Variants in CELF2 observed in about 807,000 individuals in gnomAD.
The protein encoded by CELF2 is CUG triplet repeat RNA-binding protein 2.
CELF2 carries 8 observed loss-of-function variants against 62.6 expected under a neutral mutation model. That is an observed-to-expected ratio of 0.13 (90% CI 0.07 to 0.23). The LOEUF is 0.23. CELF2 is among the 10% of genes least tolerant of loss of function. The pLI is 1.00. For synonymous variants in CELF2, 258 were observed against 250.0 expected, an observed-to-expected ratio of 1.03 and a Z score of -0.30; for missense variants, 333 against 671.0, an observed-to-expected ratio of 0.50 and a Z score of 5.56.
chr10:11,275,208 A>C (rs1450192698), intron 8 of CELF2, 88 bp downstream of exon 8: 2 of 1,263,824 alleles, frequency 1.6e-6, no homozygotes, highest in East Asian at 4.6e-5. Flanking sequence ...AAGCAGGGGA[A>C]GAGAACCAAG....
the CELF2 span, among the ~76,000 whole-genome samples, chr10:10,519,267 G>T: frequency 2.0e-5 from 3 of 152,076 alleles, no homozygotes; most frequent in East Asian, 5.8e-4. Context: ...GGCCAGTCTC[G>T]GGAAGTTCCA....
intron 1 of CELF2, among the ~76,000 whole-genome samples, chr10:11,146,653 G>T (rs2062342045): frequency 1.3e-5 from 2 of 152,170 alleles, no homozygotes; most frequent in Admixed American, 1.3e-4. Context: ...TGCTCTGTCG[G>T]TGATTTGTTA....
At chr10:10,617,977 C>G in the CELF2 span, among the ~76,000 whole-genome samples, 2 of 152,064 alleles carry the variant, frequency 1.3e-5, no homozygotes, top group Non-Finnish European at 2.9e-5. Flanking sequence ...TTCTTCCCTT[C>G]CCTCATTCCT....
chr10:10,487,374 C>A, the CELF2 span, among the ~76,000 whole-genome samples: 1 of 150,462 alleles, frequency 6.6e-6, no homozygotes, highest in African/African-American at 2.5e-5. Flanking sequence ...ACATCTCAGC[C>A]ATTTACAAAG....
Position 11,220,574 on chromosome 10 carries a change from T to G in CELF2, c.354+3067T>G, listed in dbSNP as rs1413816408. On this transcript the variant is annotated intron_variant, in intron 3 of 12. Coordinates refer to ENST00000633077, the MANE Select transcript of CELF2 (RefSeq NM_001326342.2). This position sits in a 1 kb window ranked among gnomAD's most constrained non-coding sequence, Gnocchi z 4.4. ...CTCTTACGGAGCAGTGCAAAATCAT[T>G]GAAGACACGTTTCTCAAACTTGCCT... Among the ~76,000 whole-genome samples, 2 of 152,328 alleles carry G rather than the reference T, an allele frequency of 1.3e-5. No homozygotes were observed. The highest frequency in any genetic ancestry group is 1.9e-4 in the East Asian group (1 of 5,190).
chr10:10,592,934 G>A, the CELF2 span, among the ~76,000 whole-genome samples: 1 of 152,150 alleles, frequency 6.6e-6, no homozygotes, highest in Non-Finnish European at 1.5e-5. Context: ...CCCACGTGAA[G>A]GGCCATAGGG....
chr10:10,706,621 T>TAA, the CELF2 span, among the ~76,000 whole-genome samples: 94 of 152,304 alleles, frequency 6.2e-4, no homozygotes, highest in Non-Finnish European at 1.3e-3. Flanking sequence ...TTTCACCCTG[T>TAA]AAAACGGACA....
At chr10:10,838,205 T>A (rs2058437533) in intron 1 of CELF2, among the ~76,000 whole-genome samples, 1 of 152,172 alleles carries the variant, frequency 6.6e-6, no homozygotes, top group South Asian at 2.1e-4. Flanking sequence ...TTGGCTGATG[T>A]TTTTCTCATG....
At chr10:10,937,246 C>T (rs1231354518) in intron 2 of CELF2, among the ~76,000 whole-genome samples, 4 of 151,112 alleles carry the variant, frequency 2.6e-5, no homozygotes, top group Non-Finnish European at 4.4e-5. Context: ...ATTCTTCTGC[C>T]GCAGCCTCCC....
At chr10:10,558,709 C>T in the CELF2 span, among the ~76,000 whole-genome samples, 1 of 152,154 alleles carries the variant, frequency 6.6e-6, no homozygotes, top group East Asian at 1.9e-4. Context: ...GCCACAATTT[C>T]AGCTCCTGTT....
chr10:10,815,512 T>C lies in CELF2; in HGVS notation c.53+16695T>C, dbSNP rs555721057. On this transcript the variant is annotated intron_variant, in intron 1 of 13. Coordinates refer to the CELF2 transcript ENST00000636488. Reference sequence around the variant, plus strand: ...CCAGACTAGCCCTGTTCTGCTGTCTTCCCTCATTACAGAAGACAGGCAGCA... The same window carrying C: ...CCAGACTAGCCCTGTTCTGCTGTCTCCCCTCATTACAGAAGACAGGCAGCA... Among the ~76,000 whole-genome samples, 5 of 152,264 alleles carry C rather than the reference T, an allele frequency of 3.3e-5. No individual in the cohort carries two copies. The South Asian group carries it at 1.0e-3, about 32-fold the overall frequency.
chr10:11,300,892 C>A lies in CELF2; in HGVS notation c.976+12340C>A, dbSNP rs1156866048. Among the ~76,000 whole-genome samples, 3 of 152,190 alleles carry A rather than the reference C, an allele frequency of 2.0e-5. No individual in the cohort carries two copies. Among genetic ancestry groups the A allele is most frequent in the Non-Finnish European group, 4.4e-5 (3 of 68,042 alleles). On this transcript the variant is annotated intron_variant, in intron 9 of 12. Coordinates refer to ENST00000633077, the MANE Select transcript of CELF2 (RefSeq NM_001326342.2). This position sits in a 1 kb window ranked among gnomAD's most constrained non-coding sequence, Gnocchi z 5.5. ...ACTGTGTTTTCACTATCTAATTGTT[C>A]TGTGGAAAGTGTTTAACGAGGGCAC...
the CELF2 span, among the ~76,000 whole-genome samples, chr10:10,545,646 G>A: frequency 3.9e-5 from 6 of 152,044 alleles, no homozygotes; most frequent in Non-Finnish European, 7.4e-5. Flanking sequence ...TTATCCTCAG[G>A]ATGAATATCT....
chr10:11,251,493 G>A (rs981664604), intron 4 of CELF2, among the ~76,000 whole-genome samples: 55 of 152,032 alleles, frequency 3.6e-4, no homozygotes, highest in African/African-American at 1.1e-3. Flanking sequence ...CATGATCACA[G>A]AAGCCAAGGA....
At position 11,010,858 on chromosome 10, in the gene CELF2, T is replaced by C. The variant is rs1367852685; in HGVS notation, c.53+5418T>C. 6.6e-6 allele frequency: 1 copy of C among 152,284 alleles called. No individual in the cohort carries two copies. Among genetic ancestry groups the C allele is most frequent in the African/African-American group, 2.4e-5 (1 of 41,474 alleles). The allele number at this position is 152,284 out of a possible 1,614,324, so 9.4% of individuals were successfully genotyped here. On this transcript the variant is annotated intron_variant, in intron 1 of 12. Transcript: ENST00000416382. This position sits in a 1 kb window ranked among gnomAD's most constrained non-coding sequence, Gnocchi z 4.1. Reference sequence around the variant, plus strand: ...CGGTCAAATCCCTGGTCACTGTTTATAGTTTCAGCTGCTCAGCCCTTCCTA... The same window carrying C: ...CGGTCAAATCCCTGGTCACTGTTTACAGTTTCAGCTGCTCAGCCCTTCCTA...
At chr10:10,586,861 C>G in the CELF2 span, among the ~76,000 whole-genome samples, 1 of 152,108 alleles carries the variant, frequency 6.6e-6, no homozygotes, top group African/African-American at 2.4e-5. Context: ...TCAGGAGGAA[C>G]CAGGTGGATT....
chr10:10,823,418 A>G (rs971227460), intron 1 of CELF2, among the ~76,000 whole-genome samples: 1 of 152,208 alleles, frequency 6.6e-6, no homozygotes, highest in Admixed American at 6.5e-5. Flanking sequence ...ATCTGGCTGT[A>G]GGAATGGCTA....
In CELF2 at chr10:10,892,926, G is replaced by A. The variant is rs118013897; in HGVS notation, c.54-27038G>A. On this transcript the variant is annotated intron_variant, in intron 1 of 13. Coordinates refer to the CELF2 transcript ENST00000636488. ...GGTTATTCCTTACATTCAGGTAGAG[G>A]TGACGGGACCTGAAAGTCAAACAAA... Among the ~76,000 whole-genome samples, 519 of 152,348 alleles carry A rather than the reference G, an allele frequency of 3.4e-3. 1 individual carries two copies. Among genetic ancestry groups the A allele is most frequent in the Non-Finnish European group, 5.2e-3 (356 of 68,032 alleles).
chr10:10,906,202 G>A (rs1253419431), intron 1 of CELF2, among the ~76,000 whole-genome samples: 1 of 152,180 alleles, frequency 6.6e-6, no homozygotes, highest in African/African-American at 2.4e-5. Context: ...AATTCAACAG[G>A]ATACGTGGTG....
Sources: allele counts gnomAD v4.1 joint callset (sites outside exome capture counted in the v4.1 genomes callset), GRCh38; gene constraint gnomAD v4.1.1; non-coding constraint Gnocchi (gnomAD v3.1); transcripts MANE v1.5; gene names NCBI Gene and HGNC (gene_info 2026-07-23, HGNC 2026-07-21).